RB1CC1: variants seen among roughly 807,000 people sequenced by gnomAD.
RB1CC1 encodes the protein RB1 inducible coiled-coil 1, also known as RB1-inducible coiled-coil protein 1.
RB1CC1 carries 46 observed loss-of-function variants against 177.5 expected under a neutral mutation model. That is an observed-to-expected ratio of 0.26 (90% CI 0.20 to 0.33). The LOEUF (loss-of-function observed/expected upper bound fraction) is 0.33. Ranked by LOEUF, RB1CC1 falls within the 10% of genes least tolerant of loss-of-function variation. The pLI is 1.00. For missense variants in RB1CC1, 1,703 were observed against 1,816.3 expected, an observed-to-expected ratio of 0.94 and a Z score of 1.13; for synonymous variants, 666 against 613.6, an observed-to-expected ratio of 1.09 and a Z score of -1.26.
At position 52,674,609 on chromosome 8, in the gene RB1CC1, C is replaced by T. The variant is rs181290464; in HGVS notation, c.573-335G>A. ...CACGGCAAAACCCAGTTCTACTAAA[C>T]GTACAAAAATTAGCCGAGTGTGGTG... On this transcript the variant is annotated intron_variant, in intron 6 of 23. Coordinates refer to ENST00000025008, the MANE Select transcript of RB1CC1 (RefSeq NM_014781.5). Among the ~76,000 whole-genome samples, 26 of 151,936 alleles carry T rather than the reference C, an allele frequency of 1.7e-4. No individual in the cohort carries two copies. In the South Asian group the frequency reaches 1.9e-3, roughly 11 times the overall value.
At chr8:52,646,833 T>C (rs533420493) in intron 15 of RB1CC1, among the ~76,000 whole-genome samples, 42 of 152,274 alleles carry the variant, frequency 2.8e-4, no homozygotes, top group African/African-American at 8.4e-4. Flanking sequence ...ATTAATCTTA[T>C]CTACTTTCAA....
chr8:52,649,267 G>A (rs962854837), intron 15 of RB1CC1, among the ~76,000 whole-genome samples: 1 of 152,102 alleles, frequency 6.6e-6, no homozygotes, highest in African/African-American at 2.4e-5. Context: ...AAAGAGGCCT[G>A]GACATTGAAA....
intron 15 of RB1CC1, among the ~76,000 whole-genome samples, chr8:52,649,607 G>C (rs1330169320): frequency 6.6e-6 from 1 of 152,172 alleles, no homozygotes; most frequent in Non-Finnish European, 1.5e-5. Context: ...CTGCACTCCA[G>C]CCTGGGCAAC....
At chr8:52,693,583 G>A (rs187808612) in intron 1 of RB1CC1, among the ~76,000 whole-genome samples, 4 of 152,324 alleles carry the variant, frequency 2.6e-5, no homozygotes, top group African/African-American at 4.8e-5. Context: ...ATGCTGGCAA[G>A]GTTGTGGAGA....
rs777542928 is a variant in RB1CC1, at chr8:52,686,940, A to C, written c.-139T>G. On this transcript the variant is annotated 5_prime_UTR_variant, in exon 2 of 24. In the 5' UTR this introduces an upstream ATG that the reference lacks. Coordinates refer to ENST00000025008, the MANE Select transcript of RB1CC1 (RefSeq NM_014781.5). The stretch of plus-strand genomic sequence containing the variant: ...TTGCTTTGCTTGAGATTGGCAACTG[A>C]ATGGCATTACTGGTTAAACTCAGAA... 6.6e-6 allele frequency: 3 copies of C among 456,714 alleles called. No homozygotes were observed. Among genetic ancestry groups the C allele is most frequent in the African/African-American group, 2.0e-5 (1 of 50,212 alleles). 28.3% of individuals were successfully genotyped at this position (456,714 alleles called of 1,614,324 possible).
chr8:52,625,022 T>C (rs1174401058), intron 22 of RB1CC1, among the ~76,000 whole-genome samples: 3 of 152,146 alleles, frequency 2.0e-5, no homozygotes, highest in Non-Finnish European at 2.9e-5. Context: ...ATACATGATA[T>C]GTCAAATCAC....
At chr8:52,699,646 T>TAA (rs1855811492) in intron 1 of RB1CC1, among the ~76,000 whole-genome samples, 1 of 80,744 alleles carries the variant, frequency 1.2e-5, no homozygotes. Flanking sequence ...CTGTCTCTAG[T>TAA]GAAAAAAAAA....
chr8:52,658,777 G>T, intron 13 of RB1CC1, 96 bp downstream of exon 13: 1 of 730,724 alleles, frequency 1.4e-6, no homozygotes, highest in Non-Finnish European at 2.1e-6. Flanking sequence ...TCTTATCTTG[G>T]CACCTCTTAA....
At chr8:52,660,836 G>T in intron 11 of RB1CC1, 90 bp downstream of exon 11, 1 of 1,169,910 alleles carries the variant, frequency 8.5e-7, no homozygotes, top group Non-Finnish European at 1.2e-6. Context: ...GCAATTAACA[G>T]CATATACATG....
At chr8:52,677,359 G>A (rs1451396031) in intron 5 of RB1CC1, among the ~76,000 whole-genome samples, 1 of 152,124 alleles carries the variant, frequency 6.6e-6, no homozygotes, top group African/African-American at 2.4e-5. Flanking sequence ...AGTGGAACAC[G>A]AAGTGGCAAA....
chr8:52,669,035 T>C (rs1852323949), intron 7 of RB1CC1, among the ~76,000 whole-genome samples: 1 of 152,206 alleles, frequency 6.6e-6, no homozygotes, highest in Non-Finnish European at 1.5e-5. Context: ...AGTATAACTT[T>C]TCTGGAGATA....
chr8:52,649,342 G>C (rs1379795943), intron 15 of RB1CC1, among the ~76,000 whole-genome samples: 1 of 152,124 alleles, frequency 6.6e-6, no homozygotes, highest in Admixed American at 6.6e-5. Context: ...TTGAAAAAAG[G>C]CATCTCTAAA....
At position 52,706,951 on chromosome 8, in the gene RB1CC1, C is replaced by T. The variant is rs893806084; in HGVS notation, c.-167+7124G>A. 4.6e-5 allele frequency among the ~76,000 whole-genome samples: 7 copies of T among 152,080 alleles called. No homozygotes were observed. The East Asian group carries it at 9.8e-4, about 21-fold the overall frequency. ...TTCTGGGAATACAGGCATGAGTCAC[C>T]ACGCCCCAATTGTTATCTTTATGTA... is the stretch of plus-strand genomic sequence containing the variant. On this transcript the variant is annotated intron_variant, in intron 1 of 23. Transcript: ENST00000025008.
rs61365263 is a variant in RB1CC1, at chr8:52,664,684, T to A, written c.1174-2965A>T. Among the ~76,000 whole-genome samples the A allele has an allele frequency of 1.6e-4, 25 of 152,138 alleles. 1 individual carries two copies. The highest frequency in any genetic ancestry group is 1.0e-4 in the Non-Finnish European group (7 of 68,006). ...TTACTTCAGTTTGGATTCAGGGAGG[T>A]TAAATGGTCAGATTTAGAAAGCAAA... is the stretch of plus-strand genomic sequence containing the variant. On this transcript the variant is annotated intron_variant, in intron 8 of 23. Coordinates refer to ENST00000025008, the MANE Select transcript of RB1CC1 (RefSeq NM_014781.5).
chr8:52,654,882 A>C (rs1316691779), intron 15 of RB1CC1, among the ~76,000 whole-genome samples: 1 of 151,988 alleles, frequency 6.6e-6, no homozygotes, highest in Admixed American at 6.6e-5. Context: ...TTTTCCATCC[A>C]CTGACCCCTA....
intron 18 of RB1CC1, among the ~76,000 whole-genome samples, chr8:52,639,523 T>A (rs1849405978): frequency 1.3e-5 from 2 of 152,342 alleles, no homozygotes; most frequent in South Asian, 4.1e-4. Flanking sequence ...TGGTGACAGC[T>A]GGCATTGTGT....
intron 15 of RB1CC1, 108 bp downstream of exon 15, chr8:52,655,900 G>C (rs1851044520): frequency 1.2e-6 from 1 of 844,248 alleles, no homozygotes; most frequent in Non-Finnish European, 1.7e-6. Flanking sequence ...AAATACCCTA[G>C]TTGCTACATT....
chr8:52,675,888 GAAAAAA>G (rs1268855883), intron 6 of RB1CC1, among the ~76,000 whole-genome samples: 1 of 72,180 alleles, frequency 1.4e-5, no homozygotes, highest in African/African-American at 4.7e-5. Context: ...CTCCGTCTCA[GAAAAAA>G]AAAAAAAAAA....
At chr8:52,708,315 G>C (rs563062559) in intron 1 of RB1CC1, among the ~76,000 whole-genome samples, 4 of 152,242 alleles carry the variant, frequency 2.6e-5, no homozygotes, top group African/African-American at 9.6e-5. Context: ...AGGAGATCGA[G>C]ACCATCCTGG....
Sources: allele counts gnomAD v4.1 joint callset (sites outside exome capture counted in the v4.1 genomes callset), GRCh38; gene constraint gnomAD v4.1.1; transcripts MANE v1.5; gene names NCBI Gene and HGNC (gene_info 2026-07-23, HGNC 2026-07-21).